Variants in PEX13 observed in about 807,000 individuals in gnomAD.
The protein encoded by PEX13 is peroxisomal biogenesis factor 13, also known as peroxisome biogenesis factor 13.
PEX13 carries 28 observed loss-of-function variants against 34.5 expected under a neutral mutation model. The observed-to-expected ratio is 0.81, with a 90% confidence interval of 0.60 to 1.11. The LOEUF (loss-of-function observed/expected upper bound fraction) is 1.11. Ranked by LOEUF, PEX13 falls within the 50% of genes most tolerant of loss-of-function variation. PEX13 has a pLI of 0.00. For missense variants in PEX13, 550 were observed against 491.0 expected, an observed-to-expected ratio of 1.12 and a Z score of -1.13; for synonymous variants, 177 against 175.1, an observed-to-expected ratio of 1.01 and a Z score of -0.09.
rs2104786755 is a variant in PEX13, at chr2:61,017,732, G to A, written c.-28G>A. 6.5e-7 allele frequency: 1 copy of A among 1,540,378 alleles called. No homozygotes were observed. Among genetic ancestry groups the A allele is most frequent in the Non-Finnish European group, 8.8e-7 (1 of 1,139,264 alleles). ...CGCGGGCCTGGACAGTCAGGGGTAG[G>A]AGCGGGAGCCGAGAGGAGGCGGAGG... On this transcript the variant is annotated 5_prime_UTR_variant, in exon 1 of 4. Transcript: ENST00000295030.
intron 2 of PEX13, among the ~76,000 whole-genome samples, chr2:61,033,520 T>C (rs1680486161): frequency 6.6e-6 from 1 of 152,166 alleles, no homozygotes; most frequent in South Asian, 2.1e-4. Context: ...ATAAAATATA[T>C]TCTAAAAATC....
chr2:61,048,396 T>G, intron 3 of PEX13, 76 bp from the exon 4 acceptor site: 1 of 1,200,410 alleles, frequency 8.3e-7, no homozygotes, highest in Non-Finnish European at 1.2e-6. Flanking sequence ...TTCCTGAATG[T>G]GATATTTTAC....
intron 2 of PEX13, among the ~76,000 whole-genome samples, chr2:61,041,242 T>C (rs1573558541): frequency 6.6e-6 from 1 of 151,900 alleles, no homozygotes; most frequent in South Asian, 2.1e-4. Context: ...GATGGGAGGG[T>C]GGTTTGAGCC....
At chr2:61,032,654 A>T (rs1680471512) in intron 2 of PEX13, among the ~76,000 whole-genome samples, 1 of 152,242 alleles carries the variant, frequency 6.6e-6, no homozygotes, top group Non-Finnish European at 1.5e-5. Context: ...AATAAGGCAG[A>T]ACTATAAACA....
intron 2 of PEX13, among the ~76,000 whole-genome samples, chr2:61,033,724 T>A (rs1680489428): frequency 6.6e-6 from 1 of 151,866 alleles, no homozygotes; most frequent in South Asian, 2.1e-4. Flanking sequence ...GTTAAGGGAG[T>A]AAGTCCTACA....
In PEX13 at chr2:61,051,458, AAT is replaced by A. The variant is rs1258196103; in HGVS notation, c.*2689_*2690del. The A allele has an allele frequency of 3.3e-5, 5 of 152,446 alleles. No individual in the cohort carries two copies. The highest frequency in any genetic ancestry group is 3.3e-4 in the Admixed American group (5 of 15,280). 9.4% of individuals were successfully genotyped at this position (152,446 alleles called of 1,614,324 possible). ...GTTTATTGTTTGGTTAAGTCTGCTA[AAT>A]TACGGTATGCATTATCTGGTGACTA... is the stretch of plus-strand genomic sequence containing the variant. On this transcript the variant is annotated 3_prime_UTR_variant, in exon 4 of 4. Coordinates refer to ENST00000295030, the MANE Select transcript of PEX13 (RefSeq NM_002618.4).
chr2:61,048,111 G>A (rs1386694761), intron 3 of PEX13, among the ~76,000 whole-genome samples: 1 of 152,126 alleles, frequency 6.6e-6, no homozygotes, highest in African/African-American at 2.4e-5. Context: ...AACTTACCCA[G>A]TTGAGAAGGA....
chr2:61,041,984 G>C (rs190019122), intron 2 of PEX13, among the ~76,000 whole-genome samples: 17 of 152,310 alleles, frequency 1.1e-4, no homozygotes, highest in Non-Finnish European at 1.9e-4. Context: ...CAAAATTGAG[G>C]TCCTATTACT....
Position 61,048,558 on chromosome 2 carries a change from C to A in PEX13, c.1000C>A (p.Leu334Ile), listed in dbSNP as rs149581494. ...TATACCTGCGAATTATGTCAAAATT[C>A]TTGGCAAAAGAAAAGGTAGGAAAAC... ...GLIPANYVKI[L>I]GKRKGRKTVE... The change falls in exon 4 of 4, where the codon CTT becomes ATT. Residue 334 changes from leucine to isoleucine, a missense_variant. Transcript: ENST00000295030. 1 of 1,614,042 alleles carries A rather than the reference C, an allele frequency of 6.2e-7. No individual in the cohort carries two copies. The highest frequency in any genetic ancestry group is 2.2e-5 in the East Asian group (1 of 44,876).
At chr2:61,038,733 A>G (rs1680574304) in intron 2 of PEX13, among the ~76,000 whole-genome samples, 1 of 152,228 alleles carries the variant, frequency 6.6e-6, no homozygotes, top group South Asian at 2.1e-4. Context: ...CCTATTCAAC[A>G]TGGTGTTAGA....
chr2:61,023,433 T>A (rs13007619), intron 1 of PEX13, among the ~76,000 whole-genome samples: 4 of 136,746 alleles, frequency 2.9e-5, no homozygotes, highest in Non-Finnish European at 4.8e-5. Flanking sequence ...ACACACATAT[T>A]TTTTTTTTCT....
At chr2:61,029,244 C>T (rs1680410054) in intron 1 of PEX13, among the ~76,000 whole-genome samples, 1 of 151,902 alleles carries the variant, frequency 6.6e-6, no homozygotes, top group Admixed American at 6.6e-5. Flanking sequence ...TGAAAATATG[C>T]TCAACATCAT....
At chr2:61,030,393 T>C (rs1680431388) in intron 1 of PEX13, among the ~76,000 whole-genome samples, 1 of 152,206 alleles carries the variant, frequency 6.6e-6, no homozygotes, top group Non-Finnish European at 1.5e-5. Flanking sequence ...TGGTTTCTTA[T>C]TTCAGCTCTC....
chr2:61,023,402 GACACACAC>G lies in PEX13; in HGVS notation c.92+5571_92+5578del, dbSNP rs70959888. ...TATTGTAACCAGGTAGGAATATACA[GACACACAC>G]ACACACACACACACACACATATTTT... On this transcript the variant is annotated intron_variant, in intron 1 of 3. Transcript: ENST00000295030. Among the ~76,000 whole-genome samples the G allele has an allele frequency of 4.4e-3, 646 of 146,778 alleles. 2 individuals are homozygous for G. The highest frequency in any genetic ancestry group is 0.015 in the African/African-American group (591 of 39,920).
chr2:61,026,266 T>C (rs1680352292), intron 1 of PEX13, among the ~76,000 whole-genome samples: 1 of 152,010 alleles, frequency 6.6e-6, no homozygotes, highest in Admixed American at 6.6e-5. Flanking sequence ...TTCTGCTCCT[T>C]AGTGTACAGC....
intron 1 of PEX13, among the ~76,000 whole-genome samples, chr2:61,023,224 C>T (rs926680349): frequency 1.3e-5 from 2 of 152,012 alleles, no homozygotes; most frequent in Admixed American, 6.6e-5. Flanking sequence ...AGGCTGGTCT[C>T]GAACTCCTGG....
intron 2 of PEX13, among the ~76,000 whole-genome samples, chr2:61,037,480 A>G (rs1278462514): frequency 3.3e-5 from 5 of 152,242 alleles, no homozygotes; most frequent in African/African-American, 1.2e-4. Context: ...AAAACCACAC[A>G]ACTACATAGA....
chr2:61,029,383 T>G (rs1268287372), intron 1 of PEX13, among the ~76,000 whole-genome samples: 3 of 152,110 alleles, frequency 2.0e-5, no homozygotes, highest in Non-Finnish European at 4.4e-5. Context: ...CCTCATACAT[T>G]GGCGAGAATG....
At chr2:61,043,494 C>G (rs1573559693) in intron 2 of PEX13, among the ~76,000 whole-genome samples, 1 of 152,286 alleles carries the variant, frequency 6.6e-6, no homozygotes, top group Non-Finnish European at 1.5e-5. Context: ...GGTGAAAACA[C>G]TGATTCCGTA....
Sources: gnomAD v4.1 joint callset for allele counts (sites outside exome capture counted in the v4.1 genomes callset) on GRCh38, gnomAD v4.1.1 for gene constraint, MANE v1.5 for transcripts, NCBI Gene and HGNC (gene_info 2026-07-23, HGNC 2026-07-21) for gene names.